PFDN1: variants seen among roughly 807,000 people sequenced by gnomAD.
PFDN1 encodes prefoldin subunit 1, also known as prefoldin 1.
PFDN1 carries 6 observed loss-of-function variants against 17.3 expected under a neutral mutation model. The observed-to-expected ratio is 0.35, with a 90% CI of 0.19 to 0.69. PFDN1 has a LOEUF of 0.69. Among genes scored for constraint, PFDN1 ranks in the 30% least tolerant of loss-of-function variants. PFDN1 has a pLI of 0.65. For synonymous variants in PFDN1, 58 were observed against 50.1 expected, an observed-to-expected ratio of 1.16 and a Z score of -0.67; for missense variants, 113 against 146.2, an observed-to-expected ratio of 0.77 and a Z score of 1.17.
intron 3 of PFDN1, among the ~76,000 whole-genome samples, chr5:140,256,130 A>C (rs1694951257): frequency 6.6e-6 from 1 of 151,934 alleles, no homozygotes. Flanking sequence ...TTTGCTGACT[A>C]CCCCTCCTCT....
intron 2 of PFDN1, among the ~76,000 whole-genome samples, chr5:140,288,710 C>T (rs925176809): frequency 6.6e-6 from 1 of 152,174 alleles, no homozygotes; most frequent in African/African-American, 2.4e-5. Context: ...GCTGGCCGTG[C>T]ACGGTGGCTC....
intron 3 of PFDN1, among the ~76,000 whole-genome samples, chr5:140,248,249 A>T (rs1262638527): frequency 1.3e-5 from 2 of 151,804 alleles, no homozygotes; most frequent in Admixed American, 6.6e-5. Context: ...TTCTATTTTT[A>T]GTAGAGATGG....
chr5:140,245,726 T>G lies in PFDN1; in HGVS notation c.*248A>C. 1 of 612,968 alleles carries G rather than the reference T, an allele frequency of 1.6e-6. No individual in the cohort carries two copies. 38.0% of individuals were successfully genotyped at this position (612,968 alleles called of 1,614,324 possible). A position where few individuals can be genotyped will look rare whatever the true frequency, so the allele number is the denominator to read the frequency against. On this transcript the variant is annotated 3_prime_UTR_variant, in exon 4 of 4. Transcript: ENST00000261813. ...ATCTTGCCCTGGCTCCCATCTTCCC[T>G]CTCCTGGGAGTTCATCACACATCCC...
chr5:140,262,909 AAC>A (rs1286449620), intron 3 of PFDN1, among the ~76,000 whole-genome samples: 1 of 152,260 alleles, frequency 6.6e-6, no homozygotes, highest in Non-Finnish European at 1.5e-5. Flanking sequence ...TTAAAAAAAA[AAC>A]ACCTTTTATC....
At chr5:140,266,442 A>G (rs1371249382) in intron 3 of PFDN1, among the ~76,000 whole-genome samples, 1 of 152,220 alleles carries the variant, frequency 6.6e-6, no homozygotes, top group Non-Finnish European at 1.5e-5. Context: ...AAATACGTCA[A>G]TCTTCACTAA....
At chr5:140,290,541 T>A (rs1765564420) in intron 2 of PFDN1, among the ~76,000 whole-genome samples, 1 of 152,172 alleles carries the variant, frequency 6.6e-6, no homozygotes, top group Non-Finnish European at 1.5e-5. Context: ...TTACACTCAG[T>A]GAAAGTACAT....
At chr5:140,266,127 G>T (rs1036848614) in intron 3 of PFDN1, among the ~76,000 whole-genome samples, 3 of 152,138 alleles carry the variant, frequency 2.0e-5, no homozygotes, top group African/African-American at 7.2e-5. Flanking sequence ...GTGACATATG[G>T]GGAAGGAAGA....
At chr5:140,255,127 T>C (rs556990904) in intron 3 of PFDN1, among the ~76,000 whole-genome samples, 7 of 152,348 alleles carry the variant, frequency 4.6e-5, no homozygotes, top group African/African-American at 1.7e-4. Flanking sequence ...CCAAAATAAC[T>C]ATTTCATGCT....
chr5:140,262,208 T>C (rs187575629), intron 3 of PFDN1, among the ~76,000 whole-genome samples: 23 of 152,304 alleles, frequency 1.5e-4, no homozygotes, highest in Non-Finnish European at 8.8e-5. Context: ...TACTCAGAGC[T>C]GGTATTCGGG....
intron 3 of PFDN1, among the ~76,000 whole-genome samples, chr5:140,252,780 G>A (rs913264813): frequency 1.3e-5 from 2 of 152,156 alleles, no homozygotes; most frequent in African/African-American, 4.8e-5. Flanking sequence ...GCAACAAGAG[G>A]ACACAATCAG....
At chr5:140,261,375 C>T (rs1056079001) in intron 3 of PFDN1, among the ~76,000 whole-genome samples, 16 of 152,118 alleles carry the variant, frequency 1.1e-4, no homozygotes, top group Non-Finnish European at 2.9e-5. Flanking sequence ...AAGCACTAAG[C>T]ATTTAATGAG....
Position 140,281,463 on chromosome 5 carries a change from T to C in PFDN1, c.271A>G (p.Ile91Val). The C allele has an allele frequency of 1.3e-6, 2 of 1,534,470 alleles. No individual in the cohort carries two copies. Among genetic ancestry groups the C allele is most frequent in the South Asian group, 1.1e-5 (1 of 89,336 alleles). The change falls in exon 3 of 4, where the codon ATT (isoleucine) becomes GTT (valine). Residue 91 changes from isoleucine (I) to valine (V), a missense_variant. Coordinates refer to ENST00000261813, the MANE Select transcript of PFDN1 (RefSeq NM_002622.5). ...TAAAAACTTACTTCTAGTTCTTTAA[T>C]TTTTTCTTCTGCTATTTTCTGCTTC... Reference protein sequence around the residue: ...LEKQKIAEEKIKELEQKKSYL... With the variant: ...LEKQKIAEEKVKELEQKKSYL...
At position 140,300,468 on chromosome 5, in the gene PFDN1, C is replaced by G. The variant is rs776586120; in HGVS notation, c.148G>C (p.Glu50Gln). The G allele has an allele frequency of 1.9e-6, 3 of 1,611,498 alleles. No homozygotes were observed. Among genetic ancestry groups the G allele is most frequent in the Non-Finnish European group, 2.5e-6 (3 of 1,177,708 alleles). The change falls in exon 2 of 4, where the codon GAG (glutamate) becomes CAG (glutamine). Residue 50 changes from glutamate (E) to glutamine (Q), a missense_variant. Glu to Gln is a conservative substitution (Grantham distance 29). Transcript: ENST00000261813. ...TKKHAHLTDT[E>Q]IMTLVDETNM... Reference sequence around the variant, plus strand: ...GTCTCATCTACCAAAGTCATGATCTCTGTATCTGTAAGATGTGCATGCTTT... The same window carrying G: ...GTCTCATCTACCAAAGTCATGATCTGTGTATCTGTAAGATGTGCATGCTTT...
At chr5:140,272,757 T>C (rs966410574) in intron 3 of PFDN1, among the ~76,000 whole-genome samples, 8 of 152,210 alleles carry the variant, frequency 5.3e-5, no homozygotes, top group Non-Finnish European at 1.2e-4. Context: ...GATTAGGCAG[T>C]GATAAACAAC....
chr5:140,251,229 C>T (rs981291265), intron 3 of PFDN1, among the ~76,000 whole-genome samples: 1 of 152,110 alleles, frequency 6.6e-6, no homozygotes, highest in Non-Finnish European at 1.5e-5. Context: ...AACTACTGCA[C>T]CCAGCCCACA....
rs747357778 is a variant in PFDN1, at chr5:140,263,192, G to C, written c.286-17135C>G. ...CTTGTTTGGAAGAACAAAGGGGCTC[G>C]GCCCCTTCTGCTCTGCCAGAAGCTG... On this transcript the variant is annotated intron_variant, in intron 3 of 3. Coordinates refer to ENST00000261813, the MANE Select transcript of PFDN1 (RefSeq NM_002622.5). 7.9e-5 allele frequency among the ~76,000 whole-genome samples: 12 copies of C among 152,310 alleles called. No homozygotes were observed. The East Asian group carries it at 2.3e-3, about 29-fold the overall frequency.
rs1420147336 is a variant in PFDN1, at chr5:140,271,012, C to T, written c.285+10437G>A. 2.6e-5 allele frequency among the ~76,000 whole-genome samples: 4 copies of T among 152,104 alleles called. No homozygotes were observed. The East Asian group carries it at 7.7e-4, about 29-fold the overall frequency. Reference sequence around the variant, plus strand: ...CTTCTATGAAGGAAATAAAATGCATCACAGATGCTTTATATTTGGGCAAAT... The same window carrying T: ...CTTCTATGAAGGAAATAAAATGCATTACAGATGCTTTATATTTGGGCAAAT... On this transcript the variant is annotated intron_variant, in intron 3 of 3. Coordinates refer to ENST00000261813, the MANE Select transcript of PFDN1 (RefSeq NM_002622.5).
intron 3 of PFDN1, among the ~76,000 whole-genome samples, chr5:140,246,460 G>A (rs376516109): frequency 4.6e-5 from 7 of 152,254 alleles, no homozygotes; most frequent in African/African-American, 1.7e-4. Context: ...TGGGCCAGGC[G>A]TCTGTAGCCA....
At chr5:140,249,922 C>T (rs1293385165) in intron 3 of PFDN1, among the ~76,000 whole-genome samples, 3 of 152,020 alleles carry the variant, frequency 2.0e-5, no homozygotes, top group African/African-American at 4.8e-5. Context: ...AATTTTTTTG[C>T]GGGGGTTGGG....
Sources: allele counts gnomAD v4.1 joint callset (sites outside exome capture counted in the v4.1 genomes callset), GRCh38; gene constraint gnomAD v4.1.1; transcripts MANE v1.5; gene names NCBI Gene and HGNC (gene_info 2026-07-23, HGNC 2026-07-21).